The following CTTNBP2 variants were observed in gnomAD, a reference collection of about 807,000 sequenced individuals.
CTTNBP2 encodes the protein cortactin binding protein 2, also known as cortactin-binding protein 2.
CTTNBP2 carries 108 observed loss-of-function variants against 156.9 expected under a neutral mutation model. The observed-to-expected ratio is 0.69, with a 90% CI of 0.59 to 0.81. The LOEUF is 0.81. Among genes scored for constraint, CTTNBP2 ranks in the 30% least tolerant of loss-of-function variants. The probability of loss-of-function intolerance (pLI) is 0.00; values close to 1 mark genes in which losing one functional copy is unlikely to be tolerated. For synonymous variants in CTTNBP2, 767 were observed against 751.8 expected (o/e 1.02, Z -0.33); for missense variants, 1,924 against 2,035.4 (o/e 0.95, Z 1.05).
intron 8 of CTTNBP2, among the ~76,000 whole-genome samples, chr7:117,771,015 C>A (rs1484304961): frequency 2.6e-5 from 4 of 152,226 alleles, no homozygotes; most frequent in African/African-American, 9.6e-5. Flanking sequence ...CATGCACTCA[C>A]ATTCCACTTG....
intron 2 of CTTNBP2, among the ~76,000 whole-genome samples, chr7:117,820,555 G>A (rs1260432389): frequency 1.3e-5 from 2 of 152,122 alleles, no homozygotes; most frequent in Non-Finnish European, 2.9e-5. Flanking sequence ...TTTGTGTATG[G>A]TGTTAGAAAT....
In CTTNBP2 at chr7:117,713,663, T is replaced by A. The variant is rs141594761; in HGVS notation, c.4747-1881A>T. ...AAGTTCTTTTAAAGTTTGGCTCCAA[T>A]CCCCTTTAAATCCTATTTTTCCTTT... is the stretch of plus-strand genomic sequence containing the variant. On this transcript the variant is annotated intron_variant, in intron 22 of 22. Transcript: ENST00000160373. The A allele has an allele frequency of 3.3e-5, 5 of 152,276 alleles. No homozygotes were observed. In the East Asian group the frequency reaches 7.7e-4, roughly 24 times the overall value. 9.4% of individuals were successfully genotyped at this position (152,276 alleles called of 1,614,324 possible).
intron 9 of CTTNBP2, among the ~76,000 whole-genome samples, chr7:117,764,558 A>C (rs1265749528): frequency 6.6e-6 from 1 of 152,180 alleles, no homozygotes; most frequent in Non-Finnish European, 1.5e-5. Flanking sequence ...TTGGAGTTGT[A>C]TTTTTAAACT....
intron 1 of CTTNBP2, among the ~76,000 whole-genome samples, chr7:117,869,555 T>C (rs984302293): frequency 6.6e-6 from 1 of 152,198 alleles, no homozygotes. Flanking sequence ...ACAGCAGATA[T>C]TTGTAAATGT....
At chr7:117,768,117 C>A (rs201691901) in intron 8 of CTTNBP2, among the ~76,000 whole-genome samples, 1 of 144,640 alleles carries the variant, frequency 6.9e-6, no homozygotes. Context: ...ACACACACAC[C>A]CACTTGGAGG....
At chr7:117,827,527 G>A (rs906635862) in intron 2 of CTTNBP2, among the ~76,000 whole-genome samples, 1 of 152,120 alleles carries the variant, frequency 6.6e-6, no homozygotes, top group East Asian at 1.9e-4. Flanking sequence ...ATAGACACAT[G>A]AGCACGTATA....
chr7:117,792,026 T>C lies in CTTNBP2; in HGVS notation c.1170A>G (p.Ser390=), dbSNP rs1799058009. The C allele has an allele frequency of 9.9e-6, 16 of 1,614,058 alleles. No homozygotes were observed. Among genetic ancestry groups the C allele is most frequent in the Non-Finnish European group, 1.4e-5 (16 of 1,180,020 alleles). The change falls in exon 4 of 23, where the codon TCA becomes TCG. Residue 390 remains serine (S), a synonymous_variant. Coordinates refer to ENST00000160373, the MANE Select transcript of CTTNBP2 (RefSeq NM_033427.3). The surrounding 1 kb of genome is among the most constrained non-coding windows in gnomAD (Gnocchi z 4.2). Reference sequence around the variant, plus strand: ...GTGTGCTACTGGTTGGATCTGGTGTTGAGCCAGTGCTTGGTCCATTTTCCT... The same window carrying C: ...GTGTGCTACTGGTTGGATCTGGTGTCGAGCCAGTGCTTGGTCCATTTTCCT... ...KIEENGPSTG[S]TPDPTSSTPP...
intron 1 of CTTNBP2, 81 bp from the exon 2 acceptor site, chr7:117,861,397 A>G (rs1279341720): frequency 3.1e-6 from 3 of 978,066 alleles, no homozygotes; most frequent in Non-Finnish European, 3.1e-6. Flanking sequence ...GCAATGAATC[A>G]GTTTTATCCC....
intron 16 of CTTNBP2, among the ~76,000 whole-genome samples, chr7:117,728,785 G>A (rs1795245599): frequency 6.6e-6 from 1 of 152,100 alleles, no homozygotes; most frequent in Non-Finnish European, 1.5e-5. Context: ...ACTACATAGG[G>A]CTTATCTTTA....
Position 117,729,678 on chromosome 7 carries a change from T to G in CTTNBP2, c.3877-1411A>C, listed in dbSNP as rs34954896. Among the ~76,000 whole-genome samples the G allele has an allele frequency of 8.6e-3, 1,306 of 152,322 alleles. 21 individuals are homozygous for G. The highest frequency in any genetic ancestry group is 0.03 in the African/African-American group (1,229 of 41,566). Reference sequence around the variant, plus strand: ...GTACTGCAATTGCCTTCCTTTTTTTTTTCTTTTGAATTTTACCAGCTGGAA... The same window carrying G: ...GTACTGCAATTGCCTTCCTTTTTTTGTTCTTTTGAATTTTACCAGCTGGAA... On this transcript the variant is annotated intron_variant, in intron 16 of 22. Coordinates refer to ENST00000160373, the MANE Select transcript of CTTNBP2 (RefSeq NM_033427.3).
chr7:117,812,371 A>C (rs965906727), intron 2 of CTTNBP2, among the ~76,000 whole-genome samples: 2 of 152,154 alleles, frequency 1.3e-5, no homozygotes, highest in African/African-American at 4.8e-5. Context: ...ATGTCTTCTG[A>C]AGAAATATTA....
intron 7 of CTTNBP2, among the ~76,000 whole-genome samples, chr7:117,779,319 A>G (rs1158744849): frequency 1.3e-5 from 2 of 152,144 alleles, no homozygotes; most frequent in Non-Finnish European, 2.9e-5. Context: ...TCTATTTTCT[A>G]TCCTCTTTTG....
intron 2 of CTTNBP2, among the ~76,000 whole-genome samples, chr7:117,843,912 G>A (rs1217514159): frequency 2.6e-5 from 4 of 152,110 alleles, no homozygotes; most frequent in African/African-American, 4.8e-5. Flanking sequence ...GGGATGTTGC[G>A]ATGTGATTAA....
chr7:117,820,850 A>G (rs571065171), intron 2 of CTTNBP2, among the ~76,000 whole-genome samples: 2 of 152,290 alleles, frequency 1.3e-5, no homozygotes, highest in East Asian at 1.9e-4. Flanking sequence ...TTTTAGAATC[A>G]GTTTGTAAGA....
intron 2 of CTTNBP2, among the ~76,000 whole-genome samples, chr7:117,831,335 C>A (rs1377436756): frequency 1.3e-5 from 2 of 152,128 alleles, no homozygotes; most frequent in Non-Finnish European, 2.9e-5. Flanking sequence ...AGCACTTTTT[C>A]TCTCCATCCA....
intron 16 of CTTNBP2, among the ~76,000 whole-genome samples, chr7:117,730,022 T>C (rs1313637422): frequency 6.6e-6 from 1 of 152,198 alleles, no homozygotes; most frequent in Non-Finnish European, 1.5e-5. Context: ...CTTCTACAAG[T>C]AAACAGTCTA....
chr7:117,849,515 G>A (rs1802806756), intron 2 of CTTNBP2, among the ~76,000 whole-genome samples: 1 of 151,996 alleles, frequency 6.6e-6, no homozygotes, highest in South Asian at 2.1e-4. Flanking sequence ...CTGCCTACCA[G>A]GCTAAGCACA....
At chr7:117,716,437 G>A (rs574833242) in intron 22 of CTTNBP2, among the ~76,000 whole-genome samples, 5 of 152,058 alleles carry the variant, frequency 3.3e-5, no homozygotes, top group East Asian at 1.9e-4. Context: ...TTCCACTGAC[G>A]ATGTTCCACA....
At chr7:117,711,866 T>C in intron 22 of CTTNBP2, 84 bp from the exon 23 acceptor site, 3 of 1,347,326 alleles carry the variant, frequency 2.2e-6, no homozygotes, top group Non-Finnish European at 2.0e-6. Context: ...TGAGCAAATG[T>C]ACAGGAGTTT....
Sources: allele counts gnomAD v4.1 joint callset (sites outside exome capture counted in the v4.1 genomes callset), GRCh38; gene constraint gnomAD v4.1.1; non-coding constraint Gnocchi (gnomAD v3.1); transcripts MANE v1.5; gene names NCBI Gene and HGNC (gene_info 2026-07-23, HGNC 2026-07-21).